TLK1: variants seen among roughly 807,000 people sequenced by gnomAD.
The protein encoded by TLK1 is tousled like kinase 1, also known as serine/threonine-protein kinase tousled-like 1.
In TLK1, 24 loss-of-function variants were observed where a neutral mutation model predicts 105.3. That is an observed-to-expected ratio of 0.23 (90% confidence interval 0.17 to 0.32). The LOEUF is 0.32. TLK1 is among the 10% of genes least tolerant of loss of function. TLK1 has a pLI of 1.00. For missense variants in TLK1, 558 were observed against 910.5 expected (o/e 0.61, Z 4.98); for synonymous variants, 321 against 310.4 (o/e 1.03, Z -0.36).
chr2:171,086,702 G>A (rs1307306231), intron 2 of TLK1, among the ~76,000 whole-genome samples: 1 of 151,920 alleles, frequency 6.6e-6, no homozygotes, highest in African/African-American at 2.4e-5. Context: ...TAGGTTTCCT[G>A]TTTTTACAGC....
At chr2:171,085,271 T>C (rs564812195) in intron 2 of TLK1, among the ~76,000 whole-genome samples, 1 of 151,940 alleles carries the variant, frequency 6.6e-6, no homozygotes, top group Non-Finnish European at 1.5e-5. Flanking sequence ...CACCTGTAAT[T>C]CCCAGATACT....
At chr2:171,154,791 C>T (rs1025316397) in intron 1 of TLK1, among the ~76,000 whole-genome samples, 3 of 152,160 alleles carry the variant, frequency 2.0e-5, no homozygotes, top group Non-Finnish European at 4.4e-5. Context: ...TTCTACAGCT[C>T]TTCTATAGGA....
rs181917690 is a variant in TLK1 at position 171,071,369 on chromosome 2, G to A, written c.331-10213C>T. ...GTGGCGTGATCTCAGCTCACTGCAA[G>A]CTCTGCCTCCCGGGTTCACGCCATT... On this transcript the variant is annotated intron_variant, in intron 3 of 20. Transcript: ENST00000431350. 7.2e-3 allele frequency among the ~76,000 whole-genome samples: 1,090 copies of A among 151,912 alleles called. 8 individuals carry two copies. Among genetic ancestry groups the A allele is most frequent in the Non-Finnish European group, 0.01 (683 of 67,908 alleles).
At chr2:170,999,482 G>C (rs1470455527) in intron 18 of TLK1, among the ~76,000 whole-genome samples, 1 of 152,206 alleles carries the variant, frequency 6.6e-6, no homozygotes, top group African/African-American at 2.4e-5. Flanking sequence ...CCAGGCACAA[G>C]GTGTATGTAT....
intron 1 of TLK1, among the ~76,000 whole-genome samples, chr2:171,208,106 T>C (rs925799166): frequency 6.6e-6 from 1 of 152,208 alleles, no homozygotes; most frequent in Non-Finnish European, 1.5e-5. Context: ...ATTAGTCTGA[T>C]TTAGTCTTCT....
intron 1 of TLK1, among the ~76,000 whole-genome samples, chr2:171,185,608 C>T (rs557309097): frequency 6.6e-6 from 1 of 152,204 alleles, no homozygotes; most frequent in Non-Finnish European, 1.5e-5. Flanking sequence ...CCAATTAGCA[C>T]TGTACATTCA....
intron 11 of TLK1, among the ~76,000 whole-genome samples, chr2:171,029,289 T>C (rs946111432): frequency 2.6e-5 from 4 of 152,138 alleles, no homozygotes; most frequent in African/African-American, 9.7e-5. Context: ...CTTCAGTGTG[T>C]TGGGAGTAAA....
intron 1 of TLK1, among the ~76,000 whole-genome samples, chr2:171,126,208 A>G (rs568846976): frequency 2.3e-4 from 35 of 152,314 alleles, no homozygotes; most frequent in East Asian, 5.8e-4. Flanking sequence ...CATAAAACAT[A>G]TAACAAGGAA....
intron 1 of TLK1, among the ~76,000 whole-genome samples, chr2:171,210,914 C>A (rs562196463): frequency 3.7e-4 from 57 of 152,296 alleles, no homozygotes; most frequent in African/African-American, 1.1e-3. Context: ...CTGAATATAT[C>A]CAGGAGGCTG....
intron 11 of TLK1, among the ~76,000 whole-genome samples, chr2:171,029,009 T>C (rs539851552): frequency 6.6e-6 from 1 of 152,090 alleles, no homozygotes; most frequent in Non-Finnish European, 1.5e-5. Flanking sequence ...ATTCTAGACA[T>C]GAGTTATAGA....
chr2:171,101,073 C>T lies in TLK1; in HGVS notation c.258+16666G>A, dbSNP rs191150772. Among the ~76,000 whole-genome samples, 55 of 151,878 alleles carry T rather than the reference C, an allele frequency of 3.6e-4. No homozygotes were observed. In the East Asian group the frequency reaches 6.4e-3, roughly 18 times the overall value. On this transcript the variant is annotated intron_variant, in intron 2 of 20. Coordinates refer to ENST00000431350, the MANE Select transcript of TLK1 (RefSeq NM_012290.5). ...TTTTAAAAGCCAGGCACAGGCCAGGCGCAGTGGCTCACACCTGTAATCCCA... is the reference window on the plus strand; with the variant it reads ...TTTTAAAAGCCAGGCACAGGCCAGGTGCAGTGGCTCACACCTGTAATCCCA...
At position 171,071,313 on chromosome 2, in the gene TLK1, A is replaced by C. The variant is rs569690322; in HGVS notation, c.331-10157T>G. ...TTTGTCCTTTTTTTTTTTGACATGG[A>C]GTCTCGCTCTGTCGCCCAGGCTGGA... On this transcript the variant is annotated intron_variant, in intron 3 of 20. Transcript: ENST00000431350. Among the ~76,000 whole-genome samples, 18 of 149,780 alleles carry C rather than the reference A, an allele frequency of 1.2e-4. No homozygotes were observed. In the East Asian group the frequency reaches 3.5e-3, roughly 29 times the overall value.
chr2:171,079,351 T>C (rs1688648455), intron 3 of TLK1, among the ~76,000 whole-genome samples: 1 of 152,200 alleles, frequency 6.6e-6, no homozygotes, highest in South Asian at 2.1e-4. Flanking sequence ...TTTGCTTCCA[T>C]AGCATCTTGT....
At chr2:171,214,000 C>A (rs1693668537) in intron 1 of TLK1, among the ~76,000 whole-genome samples, 2 of 151,256 alleles carry the variant, frequency 1.3e-5, no homozygotes, top group African/African-American at 4.9e-5. Flanking sequence ...TAGCAGCCAT[C>A]ATCTTCTTTC....
At chr2:171,159,336 C>T (rs546100912) in intron 1 of TLK1, among the ~76,000 whole-genome samples, 13 of 152,302 alleles carry the variant, frequency 8.5e-5, no homozygotes, top group Admixed American at 6.5e-4. Flanking sequence ...TATTCATTCC[C>T]CATAAATGTG....
chr2:171,070,239 A>G (rs1051529859), intron 3 of TLK1, among the ~76,000 whole-genome samples: 1 of 151,756 alleles, frequency 6.6e-6, no homozygotes, highest in Non-Finnish European at 1.5e-5. Flanking sequence ...TATGGGGTAC[A>G]TATTTTGATA....
chr2:171,225,265 T>C (rs535764853), intron 1 of TLK1, among the ~76,000 whole-genome samples: 5 of 152,228 alleles, frequency 3.3e-5, no homozygotes, highest in African/African-American at 1.2e-4. Context: ...GCAGAATATA[T>C]AATAACTCTT....
chr2:171,016,034 T>C (rs928891161), intron 12 of TLK1, among the ~76,000 whole-genome samples: 7 of 151,992 alleles, frequency 4.6e-5, no homozygotes, highest in Admixed American at 2.0e-4. Flanking sequence ...GCTGAGATCG[T>C]GCCACTGCAC....
At position 171,014,903 on chromosome 2, in the gene TLK1, T is replaced by C; in HGVS notation, c.1282A>G (p.Arg428Gly). The C allele has an allele frequency of 6.2e-7, 1 of 1,614,072 alleles. No individual in the cohort carries two copies. The highest frequency in any genetic ancestry group is 8.5e-7 in the Non-Finnish European group (1 of 1,179,956). Reference protein sequence around the residue: ...QAELERLERVRNLHIRELKRI... With the variant: ...QAELERLERVGNLHIRELKRI... ...TTCAGCTCACGTATGTGAAGATTTC[T>C]GACTCTTTCCAAACGTTCAAGTTCT... Residue 428 changes from arginine to glycine, a missense_variant, in exon 13 of 21, where the codon AGA (arginine) becomes GGA (glycine). Physicochemically the swap from Arg to Gly is moderately radical, Grantham distance 125. Coordinates refer to ENST00000431350, the MANE Select transcript of TLK1 (RefSeq NM_012290.5).
Sources: allele counts gnomAD v4.1 joint callset (sites outside exome capture counted in the v4.1 genomes callset), GRCh38; gene constraint gnomAD v4.1.1; transcripts MANE v1.5; gene names NCBI Gene and HGNC (gene_info 2026-07-23, HGNC 2026-07-21).